SLC60A2: variants seen among roughly 807,000 people sequenced by gnomAD.
SLC60A2 encodes the protein major facilitator superfamily domain containing 4B.
At chr6:111,273,125 T>A in the SLC60A2 span, among the ~76,000 whole-genome samples, 1 of 152,120 alleles carries the variant, frequency 6.6e-6, no homozygotes, top group Non-Finnish European at 1.5e-5. Flanking sequence ...TATATTTTGG[T>A]CAGAAAAGAT....
the SLC60A2 span, among the ~76,000 whole-genome samples, chr6:111,274,774 A>G: frequency 6.6e-6 from 1 of 152,148 alleles, no homozygotes; most frequent in Non-Finnish European, 1.5e-5. Context: ...AGGCTGGTCT[A>G]GTTGTGATGA....
At chr6:111,264,038 T>C in the SLC60A2 span, 1 of 655,672 alleles carries the variant, frequency 1.5e-6, no homozygotes, top group Non-Finnish European at 2.7e-6. Context: ...CAATGCCCCC[T>C]AAAATGACAC....
the SLC60A2 span, chr6:111,259,701 A>G: frequency 6.2e-7 from 1 of 1,600,178 alleles, no homozygotes; most frequent in Non-Finnish European, 8.5e-7. Context: ...CACCACCTTG[A>G]TGCTGTGTGC....
the SLC60A2 span, chr6:111,269,059 A>T: frequency 6.6e-6 from 1 of 152,164 alleles, no homozygotes; most frequent in African/African-American, 2.4e-5. Context: ...TCTCAAGTAA[A>T]ATACAGTGTC....
chr6:111,277,138 A>G, the SLC60A2 span, among the ~76,000 whole-genome samples: 2 of 152,236 alleles, frequency 1.3e-5, no homozygotes, highest in South Asian at 2.1e-4. Context: ...TGTTATCATC[A>G]AAAGGGAATG....
At chr6:111,275,896 A>G in the SLC60A2 span, among the ~76,000 whole-genome samples, 2 of 152,222 alleles carry the variant, frequency 1.3e-5, 1 homozygote, top group East Asian at 3.8e-4. Flanking sequence ...TTTACCTTGC[A>G]AAACTGAAAC....
chr6:111,279,056 G>T, the SLC60A2 span, among the ~76,000 whole-genome samples: 1 of 152,148 alleles, frequency 6.6e-6, no homozygotes, highest in African/African-American at 2.4e-5. Flanking sequence ...CTGGAGTGGA[G>T]CCTGAGTATG....
At chr6:111,263,965 G>A in the SLC60A2 span, 14 of 1,268,860 alleles carry the variant, frequency 1.1e-5, no homozygotes, top group African/African-American at 1.2e-4. Context: ...GCTCTTCAAC[G>A]TCATCTCTGG....
At chr6:111,268,217 T>C in the SLC60A2 span, 7 of 152,378 alleles carry the variant, frequency 4.6e-5, no homozygotes, top group East Asian at 1.9e-4. Flanking sequence ...TTTAATGTAC[T>C]TAATGTTTAA....
At chr6:111,279,691 C>T in the SLC60A2 span, among the ~76,000 whole-genome samples, 101 of 152,244 alleles carry the variant, frequency 6.6e-4, no homozygotes, top group African/African-American at 2.3e-3. Flanking sequence ...GGAGGTTGCC[C>T]TTCTAGGCAG....
chr6:111,272,886 A>G, the SLC60A2 span, among the ~76,000 whole-genome samples: 1 of 151,932 alleles, frequency 6.6e-6, no homozygotes, highest in East Asian at 1.9e-4. Flanking sequence ...GCTGGAGTGC[A>G]GTGGCACAAT....
the SLC60A2 span, chr6:111,266,947 C>T: frequency 3.7e-6 from 6 of 1,613,982 alleles, no homozygotes; most frequent in Admixed American, 8.3e-5. Flanking sequence ...ACGAATGATA[C>T]AATGAGGCAT....
At chr6:111,277,914 A>G in the SLC60A2 span, 1 of 152,196 alleles carries the variant, frequency 6.6e-6, no homozygotes, top group African/African-American at 2.4e-5. Flanking sequence ...TTTATGGTCA[A>G]ACTAGATCTT....
chr6:111,259,847 A>C, the SLC60A2 span: 1 of 738,464 alleles, frequency 1.4e-6, no homozygotes, highest in Non-Finnish European at 2.1e-6. Flanking sequence ...TCATCTAGAA[A>C]ATGGGCACAA....
At chr6:111,262,310 GA>G in the SLC60A2 span, 1 of 1,614,164 alleles carries the variant, frequency 6.2e-7, no homozygotes, top group Non-Finnish European at 8.5e-7. Flanking sequence ...CAACAAACGT[GA>G]ACCGAAATAT....
At chr6:111,275,627 C>T in the SLC60A2 span, among the ~76,000 whole-genome samples, 1 of 152,058 alleles carries the variant, frequency 6.6e-6, no homozygotes, top group Non-Finnish European at 1.5e-5. Flanking sequence ...TCAGGCTGGT[C>T]TTGAACTGCT....
At chr6:111,266,671 C>A in the SLC60A2 span, 1 of 1,614,046 alleles carries the variant, frequency 6.2e-7, no homozygotes, top group South Asian at 1.1e-5. Context: ...ATGGCTATTC[C>A]TGCAGTCATT....
At chr6:111,262,084 A>T in the SLC60A2 span, among the ~76,000 whole-genome samples, 535 of 152,286 alleles carry the variant, frequency 3.5e-3, 7 homozygotes, top group Non-Finnish European at 2.8e-3. Flanking sequence ...TCAAAACAAA[A>T]AAAAAATAAG....
At chr6:111,274,062 C>T in the SLC60A2 span, among the ~76,000 whole-genome samples, 5 of 152,094 alleles carry the variant, frequency 3.3e-5, no homozygotes, top group Non-Finnish European at 1.5e-5. Context: ...CACTATGTTG[C>T]GCAGGCTGGT....
Sources: gnomAD v4.1 joint callset for allele counts (sites outside exome capture counted in the v4.1 genomes callset) on GRCh38, gnomAD v4.1.1 for gene constraint, MANE v1.5 for transcripts, NCBI Gene and HGNC (gene_info 2026-07-23, HGNC 2026-07-21) for gene names.